The following XG variants were observed in gnomAD, a reference collection of about 807,000 sequenced individuals.
XG encodes glycoprotein Xg.
XG carries 24 observed loss-of-function variants against 25.7 expected under a neutral mutation model. That is an observed-to-expected ratio of 0.93 (90% CI 0.68 to 1.31). The LOEUF (loss-of-function observed/expected upper bound fraction) is 1.31, where lower values mean the gene tolerates loss of function less well. XG is among the 40% of genes most tolerant of loss of function. XG has a pLI of 0.00. For missense variants in XG, 181 were observed against 187.6 expected, an observed-to-expected ratio of 0.96 and a Z score of 0.21; for synonymous variants, 77 against 69.2, an observed-to-expected ratio of 1.11 and a Z score of -0.56.
At chrX:2,805,676 G>A (rs2086989956) in intron 7 of XG, among the ~76,000 whole-genome samples, 1 of 111,046 alleles carries the variant, frequency 9.0e-6, no homozygotes, top group Admixed American at 9.6e-5. Flanking sequence ...TTGGCTTGTA[G>A]ACACCATCTT....
chrX:2,766,095 T>C (rs1333829506), intron 1 of XG, among the ~76,000 whole-genome samples: 2 of 152,090 alleles, frequency 1.3e-5, no homozygotes, highest in African/African-American at 4.8e-5. Context: ...ATGGCCTGAG[T>C]GGGGAAACCC....
chrX:2,782,474 T>C (rs1471591860), intron 4 of XG, among the ~76,000 whole-genome samples: 2 of 111,731 alleles, frequency 1.8e-5, no homozygotes, highest in African/African-American at 6.5e-5. Context: ...GCTAGAGTTT[T>C]ATTATTAATC....
chrX:2,809,741 T>A (rs2087036385), intron 9 of XG, among the ~76,000 whole-genome samples: 1 of 112,115 alleles, frequency 8.9e-6, no homozygotes, highest in Non-Finnish European at 1.9e-5. Flanking sequence ...GCCAGCGCTT[T>A]GACCATGTTT....
At chrX:2,794,311 G>C (rs1017629044) in intron 5 of XG, among the ~76,000 whole-genome samples, 1 of 112,288 alleles carries the variant, frequency 8.9e-6, no homozygotes, top group Non-Finnish European at 1.9e-5. Context: ...AGCAATATGA[G>C]GCCACACTGC....
chrX:2,811,576 A>G (rs1258217558), intron 10 of XG, 124 bp downstream of exon 10: 2 of 464,868 alleles, frequency 4.3e-6, no homozygotes, highest in Admixed American at 4.2e-5. Flanking sequence ...TAACTTGCCT[A>G]ATAATGTGAT....
intron 7 of XG, among the ~76,000 whole-genome samples, chrX:2,805,723 G>A (rs1209665515): frequency 8.9e-6 from 1 of 111,997 alleles, no homozygotes; most frequent in African/African-American, 3.2e-5. Context: ...CTCTGTGTGT[G>A]TCTGTGTCCT....
At chrX:2,757,425 C>T (rs188520658) in intron 1 of XG, among the ~76,000 whole-genome samples, 6 of 151,350 alleles carry the variant, frequency 4.0e-5, no homozygotes, top group African/African-American at 1.2e-4. Flanking sequence ...CCTCTTGTAT[C>T]TAGTATCTTC....
At chrX:2,763,393 G>A (rs761809746) in intron 1 of XG, among the ~76,000 whole-genome samples, 1 of 151,826 alleles carries the variant, frequency 6.6e-6, no homozygotes, top group Non-Finnish European at 1.5e-5. Context: ...CCATCTGCTG[G>A]CTCATAGACG....
At chrX:2,798,437 C>T (rs1176501447) in intron 7 of XG, among the ~76,000 whole-genome samples, 1 of 95,816 alleles carries the variant, frequency 1.0e-5, no homozygotes, top group African/African-American at 3.9e-5. Context: ...GTGGTGTGAT[C>T]TCTGCTCACT....
chrX:2,793,634 T>G (rs764297848), intron 5 of XG, among the ~76,000 whole-genome samples: 1 of 111,415 alleles, frequency 9.0e-6, no homozygotes, highest in African/African-American at 3.3e-5. Flanking sequence ...GTCAGGGCAG[T>G]AAGGAGCAGG....
chrX:2,807,425 G>T (rs1292798304), intron 8 of XG, among the ~76,000 whole-genome samples: 1 of 111,429 alleles, frequency 9.0e-6, no homozygotes, highest in Non-Finnish European at 1.9e-5. Flanking sequence ...CGTGTGTACA[G>T]GCATGCACAC....
chrX:2,762,034 G>A (rs1270203587), intron 1 of XG, among the ~76,000 whole-genome samples: 1 of 152,184 alleles, frequency 6.6e-6, no homozygotes, highest in Non-Finnish European at 1.5e-5. Context: ...AGACAGACCT[G>A]CTGAAGCATA....
chrX:2,768,059 C>G (rs1427946775), intron 1 of XG, among the ~76,000 whole-genome samples: 1 of 152,146 alleles, frequency 6.6e-6, no homozygotes, highest in African/African-American at 2.4e-5. Context: ...CAGGATGAGA[C>G]GAGCTGTCTG....
rs183364173 is a variant in XG at position 2,776,739 on chromosome X, T to C, written c.127+2000T>C. Among the ~76,000 whole-genome samples the C allele has an allele frequency of 5.3e-4, 80 of 152,220 alleles. 1 individual carries two copies. The East Asian group carries it at 0.014, about 26-fold the overall frequency. On this transcript the variant is annotated intron_variant, in intron 3 of 10. Transcript: ENST00000644266. ...GGCGGGCGCCTGTAGTCTCAGCTACTTGGGAGGCTGAGGCAGGAGAATGGC... is the reference window on the plus strand; with the variant it reads ...GGCGGGCGCCTGTAGTCTCAGCTACCTGGGAGGCTGAGGCAGGAGAATGGC...
chrX:2,810,954 A>ATT (rs1211962965), intron 9 of XG, among the ~76,000 whole-genome samples: 17 of 97,840 alleles, frequency 1.7e-4, no homozygotes, highest in Admixed American at 1.6e-3. Context: ...TAAATAAATA[A>ATT]AATTAATTAA....
intron 2 of XG, among the ~76,000 whole-genome samples, chrX:2,772,612 C>G (rs890957521): frequency 6.6e-6 from 1 of 152,158 alleles, no homozygotes; most frequent in Non-Finnish European, 1.5e-5. Flanking sequence ...GGGGATGAAA[C>G]TGTTCTGGAA....
At chrX:2,810,476 G>A in intron 9 of XG, among the ~76,000 whole-genome samples, 1 of 110,674 alleles carries the variant, frequency 9.0e-6, no homozygotes, top group East Asian at 2.8e-4. Context: ...ATTTTTGCAT[G>A]AGTGGGCATT....
At chrX:2,810,479 T>G (rs1443203285) in intron 9 of XG, among the ~76,000 whole-genome samples, 1 of 110,452 alleles carries the variant, frequency 9.1e-6, no homozygotes, top group Non-Finnish European at 1.9e-5. Context: ...TTTGCATGAG[T>G]GGGCATTCTA....
At chrX:2,792,167 A>G (rs1272487491) in intron 5 of XG, among the ~76,000 whole-genome samples, 1 of 111,456 alleles carries the variant, frequency 9.0e-6, no homozygotes, top group Non-Finnish European at 1.9e-5. Flanking sequence ...CTGTAATCAC[A>G]ACTACTTGAG....
Sources: allele counts gnomAD v4.1 joint callset (sites outside exome capture counted in the v4.1 genomes callset), GRCh38; gene constraint gnomAD v4.1.1; transcripts MANE v1.5; gene names NCBI Gene and HGNC (gene_info 2026-07-23, HGNC 2026-07-21).